ELOVL7: variants seen among roughly 807,000 people sequenced by gnomAD.
The protein encoded by ELOVL7 is ELOVL fatty acid elongase 7.
A neutral mutation model predicts 35.7 loss-of-function variants in ELOVL7; 27 were observed. The ratio of observed to expected loss-of-function variants is 0.76; its 90% CI spans 0.56 to 1.04. The LOEUF is 1.04. ELOVL7 is among the 50% of genes least tolerant of loss of function. ELOVL7 has a pLI of 0.00. For synonymous variants in ELOVL7, 113 were observed against 114.6 expected (o/e 0.99, Z 0.09); for missense variants, 327 against 340.8 (o/e 0.96, Z 0.32).
intron 4 of ELOVL7, among the ~76,000 whole-genome samples, chr5:60,771,035 T>A (rs1742554246): frequency 6.6e-6 from 1 of 152,112 alleles, no homozygotes; most frequent in African/African-American, 2.4e-5. Flanking sequence ...ATATGATGGA[T>A]CTGTAGCAAG....
Position 60,759,409 on chromosome 5 carries a change from AAATAG to A in ELOVL7, c.500-1769_500-1765del, listed in dbSNP as rs149881826. Among the ~76,000 whole-genome samples, 1,407 of 152,314 alleles carry A rather than the reference AAATAG, an allele frequency of 9.2e-3. 42 individuals are homozygous for A. The highest frequency in any genetic ancestry group is 0.089 in the East Asian group (459 of 5,178). ...GAACACCTTTTCTAGGTTAATTTAA[AAATAG>A]AATAGTTGTCTACTTCTGATAGTTG... On this transcript the variant is annotated intron_variant, in intron 7 of 8. Transcript: ENST00000508821.
chr5:60,800,489 G>C (rs954467622), intron 1 of ELOVL7, among the ~76,000 whole-genome samples: 1 of 152,108 alleles, frequency 6.6e-6, no homozygotes, highest in Non-Finnish European at 1.5e-5. Flanking sequence ...AAACAATGAA[G>C]GCCATATATA....
intron 1 of ELOVL7, among the ~76,000 whole-genome samples, chr5:60,807,794 T>C (rs1268038462): frequency 6.6e-6 from 1 of 151,406 alleles, no homozygotes; most frequent in Non-Finnish European, 1.5e-5. Flanking sequence ...GGTCAGGAGA[T>C]CGAGACCACC....
In ELOVL7 at chr5:60,771,916, T is replaced by A; in HGVS notation, c.242A>T (p.Tyr81Phe). Residue 81 changes from tyrosine to phenylalanine, a missense_variant, in exon 4 of 9, where the codon TAT (tyrosine) becomes TTT (phenylalanine). By Grantham distance (22) the Tyr-to-Phe change is conservative. Coordinates refer to ENST00000508821, the MANE Select transcript of ELOVL7 (RefSeq NM_024930.3). ...YNFFIVLFSV[Y>F]MCYEFVMSGW... ...GAAGACACTTGCCTCATAACACATA[T>A]ACACAGAAAAGAGTACTATGAAAAA... 1 of 1,610,160 alleles carries A rather than the reference T, an allele frequency of 6.2e-7. No individual in the cohort carries two copies. The highest frequency in any genetic ancestry group is 8.5e-7 in the Non-Finnish European group (1 of 1,178,092).
chr5:60,772,235 G>A (rs1445820534), intron 3 of ELOVL7, 142 bp from the exon 4 acceptor site: 2 of 586,292 alleles, frequency 3.4e-6, no homozygotes, highest in Non-Finnish European at 6.0e-6. Flanking sequence ...CTTTAGAAAG[G>A]TGAAAAAGAA....
Position 60,792,329 on chromosome 5 carries a change from G to GA in ELOVL7, c.-34-4899dup, listed in dbSNP as rs542516493. Among the ~76,000 whole-genome samples, 342 of 152,226 alleles carry GA rather than the reference G, an allele frequency of 2.2e-3. 1 individual carries two copies. The highest frequency in any genetic ancestry group is 7.9e-3 in the African/African-American group (329 of 41,548). On this transcript the variant is annotated intron_variant, in intron 2 of 8. Coordinates refer to ENST00000508821, the MANE Select transcript of ELOVL7 (RefSeq NM_024930.3). Reference sequence around the variant, plus strand: ...AATTGCACAGGGATGGGACACAACAGAAAAACCTGATCCCCCTTACCTTGT... The same window carrying GA: ...AATTGCACAGGGATGGGACACAACAGAAAAAACCTGATCCCCCTTACCTTGT...
intron 1 of ELOVL7, among the ~76,000 whole-genome samples, chr5:60,811,885 A>G (rs1305011700): frequency 6.6e-6 from 1 of 152,190 alleles, no homozygotes; most frequent in Non-Finnish European, 1.5e-5. Flanking sequence ...CCTAATCTCA[A>G]TCTTAATCTA....
chr5:60,770,811 C>T (rs1742534565), intron 4 of ELOVL7, among the ~76,000 whole-genome samples: 1 of 152,200 alleles, frequency 6.6e-6, no homozygotes, highest in African/African-American at 2.4e-5. Context: ...GATCCTCTCA[C>T]CTCAGCCTCC....
chr5:60,833,180 A>G (rs1056795137), intron 1 of ELOVL7, among the ~76,000 whole-genome samples: 1 of 152,212 alleles, frequency 6.6e-6, no homozygotes, highest in African/African-American at 2.4e-5. Flanking sequence ...TCAGCTAGAA[A>G]AGCAATTGGG....
chr5:60,828,088 G>A (rs1159558560), intron 1 of ELOVL7, among the ~76,000 whole-genome samples: 5 of 152,190 alleles, frequency 3.3e-5, no homozygotes, highest in South Asian at 2.1e-4. Context: ...CTCTCACCAG[G>A]ACCTTTGTCT....
rs1741330499 is a variant in ELOVL7 at position 60,752,568 on chromosome 5, A to G, written c.*2056T>C. The stretch of plus-strand genomic sequence containing the variant: ...GAAGAGCCAAACCTGGAAAACAGTT[A>G]AGGAGTCCTGAGACCTTTCCAGTGG... On this transcript the variant is annotated 3_prime_UTR_variant, in exon 9 of 9. Transcript: ENST00000508821. 2 of 152,622 alleles carry G rather than the reference A, an allele frequency of 1.3e-5. No individual in the cohort carries two copies. The highest frequency in any genetic ancestry group is 6.5e-5 in the Admixed American group (1 of 15,268). 9.5% of individuals were successfully genotyped at this position (152,622 alleles called of 1,614,324 possible).
At chr5:60,831,781 T>C (rs1746493754) in intron 1 of ELOVL7, among the ~76,000 whole-genome samples, 1 of 152,236 alleles carries the variant, frequency 6.6e-6, no homozygotes, top group South Asian at 2.1e-4. Flanking sequence ...TATATATTTA[T>C]GCTTTTAAAG....
chr5:60,826,398 T>C (rs1188003504), intron 1 of ELOVL7, among the ~76,000 whole-genome samples: 2 of 152,206 alleles, frequency 1.3e-5, no homozygotes, highest in Non-Finnish European at 2.9e-5. Flanking sequence ...AAAACATTTT[T>C]TTAAAGATTT....
intron 1 of ELOVL7, among the ~76,000 whole-genome samples, chr5:60,806,317 C>T (rs1230664554): frequency 6.6e-6 from 1 of 152,164 alleles, no homozygotes; most frequent in Non-Finnish European, 1.5e-5. Context: ...CAAACTAATA[C>T]ACCAAAGTGA....
chr5:60,794,345 C>A (rs752343095), intron 2 of ELOVL7, among the ~76,000 whole-genome samples: 1 of 152,250 alleles, frequency 6.6e-6, no homozygotes, highest in Non-Finnish European at 1.5e-5. Flanking sequence ...AAGCTGCCTA[C>A]GTTAGCATGA....
intron 1 of ELOVL7, among the ~76,000 whole-genome samples, 157 bp from the exon 2 acceptor site, chr5:60,799,387 A>G (rs1744456973): frequency 6.6e-6 from 1 of 152,162 alleles, no homozygotes; most frequent in South Asian, 2.1e-4. Flanking sequence ...AAAGATCACC[A>G]AAACTAAGAG....
chr5:60,769,013 C>T (rs982854166), intron 4 of ELOVL7, among the ~76,000 whole-genome samples: 19 of 152,152 alleles, frequency 1.2e-4, no homozygotes, highest in Non-Finnish European at 2.4e-4. Flanking sequence ...TTATTAGACA[C>T]TATAGTATTA....
chr5:60,798,807 T>A (rs193175649), intron 2 of ELOVL7, among the ~76,000 whole-genome samples: 20 of 152,224 alleles, frequency 1.3e-4, no homozygotes, highest in African/African-American at 4.6e-4. Flanking sequence ...CATGAAGACA[T>A]AAAATAAATA....
At chr5:60,800,333 C>T (rs1471116313) in intron 1 of ELOVL7, among the ~76,000 whole-genome samples, 1 of 152,152 alleles carries the variant, frequency 6.6e-6, no homozygotes, top group Admixed American at 6.5e-5. Flanking sequence ...TCAACAAATG[C>T]AAATCAATAA....
Sources: allele counts gnomAD v4.1 joint callset (sites outside exome capture counted in the v4.1 genomes callset), GRCh38; gene constraint gnomAD v4.1.1; transcripts MANE v1.5; gene names NCBI Gene and HGNC (gene_info 2026-07-23, HGNC 2026-07-21).